Variants in TFDP2 observed in about 807,000 individuals in gnomAD.
TFDP2 encodes transcription factor Dp-2.
TFDP2 carries 17 observed loss-of-function variants against 59.3 expected under a neutral mutation model. That is an observed-to-expected ratio of 0.29 (90% CI 0.20 to 0.43). The LOEUF is 0.43. TFDP2 is among the 20% of genes least tolerant of loss of function. The pLI is 1.00. For missense variants in TFDP2, 391 were observed against 528.8 expected (o/e 0.74, Z 2.56); for synonymous variants, 180 against 194.7 (o/e 0.92, Z 0.63).
At chr3:142,084,774 C>T (rs2060754333) in intron 3 of TFDP2, among the ~76,000 whole-genome samples, 1 of 151,768 alleles carries the variant, frequency 6.6e-6, no homozygotes, top group African/African-American at 2.4e-5. Context: ...AAAACTAAAA[C>T]AATTGAACAC....
intron 6 of TFDP2, among the ~76,000 whole-genome samples, chr3:141,991,461 T>TA (rs1942752594): frequency 6.6e-6 from 1 of 151,760 alleles, no homozygotes; most frequent in South Asian, 2.1e-4. Flanking sequence ...AGCAAAAAAG[T>TA]AAAAAATAAA....
chr3:142,024,262 T>G (rs758131666), intron 3 of TFDP2, among the ~76,000 whole-genome samples: 1 of 152,260 alleles, frequency 6.6e-6, no homozygotes, highest in Non-Finnish European at 1.5e-5. Flanking sequence ...CCCCGGTTGA[T>G]AGTCTCCAGC....
At chr3:142,038,798 G>T (rs1182779419) in intron 3 of TFDP2, among the ~76,000 whole-genome samples, 1 of 152,070 alleles carries the variant, frequency 6.6e-6, no homozygotes, top group African/African-American at 2.4e-5. Flanking sequence ...TTAACAAATT[G>T]TTTAACTTTT....
chr3:141,961,050 T>C (rs1937284549), intron 10 of TFDP2, among the ~76,000 whole-genome samples: 1 of 152,132 alleles, frequency 6.6e-6, no homozygotes, highest in Non-Finnish European at 1.5e-5. Context: ...GTGTCCACAA[T>C]ACCCTAGGCC....
intron 11 of TFDP2, among the ~76,000 whole-genome samples, chr3:141,959,413 A>C (rs2107874276): frequency 6.6e-6 from 1 of 152,322 alleles, no homozygotes; most frequent in Non-Finnish European, 1.5e-5. Flanking sequence ...GATCTCTCTG[A>C]AGAGCCAAAT....
chr3:142,011,534 T>TAC (rs1391018811), intron 3 of TFDP2, among the ~76,000 whole-genome samples: 1 of 124,870 alleles, frequency 8.0e-6, no homozygotes, highest in Non-Finnish European at 1.6e-5. Context: ...GGCACATGTA[T>TAC]ACATATGTAA....
intron 3 of TFDP2, among the ~76,000 whole-genome samples, chr3:142,014,359 G>A (rs181595294): frequency 6.4e-4 from 97 of 151,262 alleles, no homozygotes; most frequent in African/African-American, 1.8e-3. Flanking sequence ...TATATTGCCC[G>A]GGCTGGTCTC....
chr3:141,978,218 G>A (rs944186338), intron 7 of TFDP2, among the ~76,000 whole-genome samples: 7 of 151,572 alleles, frequency 4.6e-5, no homozygotes, highest in South Asian at 4.2e-4. Flanking sequence ...GGTGGTGTGC[G>A]CCTGTAATCC....
rs145483819 is a variant in TFDP2, at chr3:142,085,211, A to G, written c.82+7850T>C. ...GTTACAGGCATGTGCCATTGCACCC[A>G]GCCGGTCAATAATTATACATTTATA... On this transcript the variant is annotated intron_variant, in intron 3 of 12. Coordinates refer to ENST00000489671, the MANE Select transcript of TFDP2 (RefSeq NM_001178139.2). Among the ~76,000 whole-genome samples the G allele has an allele frequency of 8.9e-3, 1,361 of 152,324 alleles. 10 individuals carry two copies. Among genetic ancestry groups the G allele is most frequent in the Non-Finnish European group, 0.014 (947 of 68,028 alleles).
chr3:142,100,529 C>T (rs369236867), intron 2 of TFDP2, among the ~76,000 whole-genome samples: 58 of 151,994 alleles, frequency 3.8e-4, no homozygotes, highest in South Asian at 2.3e-3. Flanking sequence ...TCTGTCACCG[C>T]GCCTGGCTAC....
At chr3:142,036,101 G>A (rs1560070704) in intron 3 of TFDP2, among the ~76,000 whole-genome samples, 1 of 152,122 alleles carries the variant, frequency 6.6e-6, no homozygotes, top group African/African-American at 2.4e-5. Context: ...TTTGTGCCAA[G>A]TAAACTATTC....
At chr3:142,067,399 A>T (rs948625586) in intron 3 of TFDP2, among the ~76,000 whole-genome samples, 1 of 150,746 alleles carries the variant, frequency 6.6e-6, no homozygotes, top group African/African-American at 2.5e-5. Flanking sequence ...ACTTAGGTAT[A>T]AATCCAATAA....
intron 3 of TFDP2, chr3:142,044,226 GTTTTTTT>G (rs142598439): frequency 1.1e-3 from 133 of 118,212 alleles, no homozygotes; most frequent in Middle Eastern, 4.4e-3. Flanking sequence ...CAGCAAAAGG[GTTTTTTT>G]TTTTTTTTTT....
intron 3 of TFDP2, among the ~76,000 whole-genome samples, chr3:142,026,376 T>C (rs941374693): frequency 1.3e-5 from 2 of 152,146 alleles, no homozygotes; most frequent in African/African-American, 4.8e-5. Flanking sequence ...CCACAGATCT[T>C]AGCTAACAGC....
chr3:141,981,804 C>T (rs960948719), intron 6 of TFDP2, among the ~76,000 whole-genome samples: 2 of 151,988 alleles, frequency 1.3e-5, no homozygotes, highest in South Asian at 2.1e-4. Flanking sequence ...TTGCAATAGT[C>T]CAGGTAAGAG....
chr3:142,119,752 C>G (rs1250448573), intron 1 of TFDP2, among the ~76,000 whole-genome samples: 1 of 152,036 alleles, frequency 6.6e-6, no homozygotes, highest in Non-Finnish European at 1.5e-5. Context: ...CACCCTGTCT[C>G]TAAAACAAGA....
intron 3 of TFDP2, among the ~76,000 whole-genome samples, chr3:142,090,610 G>A (rs887496899): frequency 4.0e-5 from 6 of 150,212 alleles, no homozygotes; most frequent in African/African-American, 1.5e-4. Context: ...GCCCAGGCTG[G>A]AGTGCAATGG....
intron 3 of TFDP2, among the ~76,000 whole-genome samples, chr3:142,055,145 C>T (rs770862590): frequency 8.5e-5 from 13 of 152,196 alleles, no homozygotes; most frequent in Non-Finnish European, 1.3e-4. Context: ...TGGGATTCAA[C>T]AAGCATTGAA....
intron 3 of TFDP2, among the ~76,000 whole-genome samples, chr3:142,037,539 A>G (rs1015550341): frequency 6.6e-6 from 1 of 152,246 alleles, no homozygotes; most frequent in African/African-American, 2.4e-5. Flanking sequence ...GCAGAAAAAC[A>G]GAACTGTGCA....
Sources: allele counts gnomAD v4.1 joint callset (sites outside exome capture counted in the v4.1 genomes callset), GRCh38; gene constraint gnomAD v4.1.1; transcripts MANE v1.5; gene names NCBI Gene and HGNC (gene_info 2026-07-23, HGNC 2026-07-21).